PPP3CA: variants seen among roughly 807,000 people sequenced by gnomAD.
PPP3CA encodes the protein protein phosphatase 3 catalytic subunit alpha.
PPP3CA carries 14 observed loss-of-function variants against 66.5 expected under a neutral mutation model. The observed-to-expected ratio is 0.21, with a 90% CI of 0.14 to 0.33. The LOEUF (loss-of-function observed/expected upper bound fraction) is 0.33. PPP3CA is among the 10% of genes least tolerant of loss of function. The pLI, the probability that PPP3CA is intolerant of heterozygous loss-of-function variation, is 1.00. For missense variants in PPP3CA, 317 were observed against 639.5 expected, an observed-to-expected ratio of 0.50 and a Z score of 5.44; for synonymous variants, 232 against 226.2, an observed-to-expected ratio of 1.03 and a Z score of -0.23.
intron 10 of PPP3CA, among the ~76,000 whole-genome samples, chr4:101,054,789 G>T (rs1190980698): frequency 6.6e-6 from 1 of 152,018 alleles, no homozygotes; most frequent in Non-Finnish European, 1.5e-5. Flanking sequence ...AAGCTACTCT[G>T]ATTCCATATT....
At chr4:101,224,260 G>A (rs756107259) in intron 1 of PPP3CA, among the ~76,000 whole-genome samples, 4 of 151,590 alleles carry the variant, frequency 2.6e-5, no homozygotes, top group Non-Finnish European at 4.4e-5. Flanking sequence ...TTTACCAGCT[G>A]GATTTTTTAA....
intron 1 of PPP3CA, among the ~76,000 whole-genome samples, chr4:101,226,253 C>G (rs756317): frequency 6.6e-6 from 1 of 151,420 alleles, no homozygotes; most frequent in African/African-American, 2.4e-5. Flanking sequence ...TGCACACATA[C>G]AGGTACTTGC....
At chr4:101,221,938 C>T (rs1003681673) in intron 1 of PPP3CA, among the ~76,000 whole-genome samples, 1 of 151,282 alleles carries the variant, frequency 6.6e-6, no homozygotes, top group Admixed American at 6.6e-5. Flanking sequence ...TTAATATTAC[C>T]CAAACACACT....
chr4:101,167,152 A>T (rs941586243), intron 2 of PPP3CA, among the ~76,000 whole-genome samples: 1 of 152,202 alleles, frequency 6.6e-6, no homozygotes, highest in African/African-American at 2.4e-5. Context: ...TGTAAGAGAA[A>T]TAACTCTCTA....
chr4:101,329,769 C>T (rs1729321777), intron 1 of PPP3CA, among the ~76,000 whole-genome samples: 2 of 151,984 alleles, frequency 1.3e-5, no homozygotes, highest in Admixed American at 1.3e-4. Context: ...AGTGGAACAA[C>T]AAAGCCTGGA....
chr4:101,294,958 A>G (rs1020222231), intron 1 of PPP3CA, among the ~76,000 whole-genome samples: 2 of 152,220 alleles, frequency 1.3e-5, no homozygotes, highest in African/African-American at 4.8e-5. Context: ...CTATGGGATC[A>G]ATAGGCAATT....
intron 2 of PPP3CA, 83 bp downstream of exon 2, chr4:101,195,833 C>T: frequency 4.2e-6 from 5 of 1,201,964 alleles, no homozygotes; most frequent in African/African-American, 1.5e-5. Context: ...TTTGAAGACT[C>T]ACTGGTAACT....
Position 101,320,498 on chromosome 4 carries a change from A to G in PPP3CA, c.58+26241T>C, listed in dbSNP as rs1336990690. The stretch of plus-strand genomic sequence containing the variant: ...TATGTGTGTGTGTGTGTGTATACAC[A>G]CACACACACACACATACACAGACAA... On this transcript the variant is annotated intron_variant, in intron 1 of 13. Coordinates refer to ENST00000394854, the MANE Select transcript of PPP3CA (RefSeq NM_000944.5). Among the ~76,000 whole-genome samples, 6 of 54,392 alleles carry G rather than the reference A, an allele frequency of 1.1e-4. No individual in the cohort carries two copies. In the African/African-American group the frequency reaches 1.2e-3, roughly 11 times the overall value. The allele number at this position is 54,392 out of a possible 152,430, so 35.7% of individuals were successfully genotyped here.
chr4:101,124,515 G>A (rs538171499), intron 2 of PPP3CA, among the ~76,000 whole-genome samples: 120 of 151,828 alleles, frequency 7.9e-4, no homozygotes, highest in Non-Finnish European at 6.6e-4. Context: ...GGAAGGCTGA[G>A]GCAGAATTGC....
intron 10 of PPP3CA, among the ~76,000 whole-genome samples, chr4:101,055,568 T>G (rs1278505366): frequency 1.3e-5 from 2 of 152,132 alleles, no homozygotes; most frequent in African/African-American, 4.8e-5. Flanking sequence ...AGAGGCCAAT[T>G]TAAAACAGCA....
intron 1 of PPP3CA, among the ~76,000 whole-genome samples, chr4:101,291,953 AC>A (rs1377493589): frequency 1.3e-5 from 2 of 151,950 alleles, no homozygotes; most frequent in African/African-American, 4.8e-5. Flanking sequence ...ATGTGACGAA[AC>A]CCTATCTTTA....
At chr4:101,238,571 T>A (rs1726200507) in intron 1 of PPP3CA, among the ~76,000 whole-genome samples, 1 of 152,000 alleles carries the variant, frequency 6.6e-6, no homozygotes, top group African/African-American at 2.4e-5. Context: ...GAAAAGACAT[T>A]CAAGCTTATT....
At chr4:101,080,462 CAAAAT>C in intron 8 of PPP3CA, 65 bp downstream of exon 8, 1 of 887,504 alleles carries the variant, frequency 1.1e-6, no homozygotes, top group Non-Finnish European at 1.6e-6. Context: ...AAGACCAAAC[CAAAAT>C]AAAACGGCTT....
chr4:101,343,817 G>A (rs1044390686), intron 1 of PPP3CA, among the ~76,000 whole-genome samples: 1 of 152,062 alleles, frequency 6.6e-6, no homozygotes, highest in African/African-American at 2.4e-5. Context: ...CTCAACCTAC[G>A]TCTCTAAAGC....
chr4:101,227,530 C>A (rs1230511556), intron 1 of PPP3CA, among the ~76,000 whole-genome samples: 4 of 151,636 alleles, frequency 2.6e-5, no homozygotes, highest in Non-Finnish European at 4.4e-5. Context: ...GGAGAGTGAA[C>A]AGAACTTCTC....
rs576893466 is a variant in PPP3CA at position 101,061,743 on chromosome 4, C to T, written c.1082-582G>A. Among the ~76,000 whole-genome samples, 5 of 152,068 alleles carry T rather than the reference C, an allele frequency of 3.3e-5. No homozygotes were observed. In the East Asian group the frequency reaches 7.7e-4, roughly 23 times the overall value. On this transcript the variant is annotated intron_variant, in intron 9 of 13. Transcript: ENST00000394854. ...AAATGCTTAAAAAATTAAACAGTTGCAGTTTAATCAGAAATTTACTTAATA... is the reference window on the plus strand; with the variant it reads ...AAATGCTTAAAAAATTAAACAGTTGTAGTTTAATCAGAAATTTACTTAATA...
At chr4:101,178,090 G>C (rs939274871) in intron 2 of PPP3CA, among the ~76,000 whole-genome samples, 2 of 152,074 alleles carry the variant, frequency 1.3e-5, no homozygotes, top group African/African-American at 4.8e-5. Context: ...GCACTGTAAA[G>C]TAGAAATTAT....
intron 1 of PPP3CA, among the ~76,000 whole-genome samples, chr4:101,250,981 C>G (rs947628558): frequency 6.6e-6 from 1 of 152,004 alleles, no homozygotes; most frequent in Non-Finnish European, 1.5e-5. Context: ...TTCTTTATTT[C>G]AAATAATGTA....
chr4:101,304,272 T>G (rs1458570038), intron 1 of PPP3CA, among the ~76,000 whole-genome samples: 1 of 152,216 alleles, frequency 6.6e-6, no homozygotes, highest in Non-Finnish European at 1.5e-5. Flanking sequence ...AATTTCCTTA[T>G]AGTACTATCT....
Sources: allele counts gnomAD v4.1 joint callset (sites outside exome capture counted in the v4.1 genomes callset), GRCh38; gene constraint gnomAD v4.1.1; transcripts MANE v1.5; gene names NCBI Gene and HGNC (gene_info 2026-07-23, HGNC 2026-07-21).